The following MYO10 variants were observed in gnomAD, a reference collection of about 807,000 sequenced individuals.
The protein encoded by MYO10 is myosin X.
In MYO10, 133 loss-of-function variants were observed where a neutral mutation model predicts 257.3. The ratio of observed to expected loss-of-function variants is 0.52; its 90% CI spans 0.45 to 0.60. The LOEUF (loss-of-function observed/expected upper bound fraction) is 0.60. MYO10 is among the 20% of genes least tolerant of loss of function. The pLI is 0.00. For synonymous variants in MYO10, 1,104 were observed against 1,028.6 expected (o/e 1.07, Z -1.40); for missense variants, 2,399 against 2,635.7 (o/e 0.91, Z 1.97).
At chr5:16,915,253 TC>T (rs977471665) in intron 1 of MYO10, among the ~76,000 whole-genome samples, 8 of 152,172 alleles carry the variant, frequency 5.3e-5, no homozygotes, top group African/African-American at 1.9e-4. Context: ...ACAACTGGGT[TC>T]CAAGCCATAG....
chr5:16,781,619 A>G, intron 6 of MYO10, 86 bp downstream of exon 6: 2 of 1,332,470 alleles, frequency 1.5e-6, no homozygotes, highest in Non-Finnish European at 2.1e-6. Context: ...AATGTTTCAC[A>G]TTCTTTTTCA....
intron 1 of MYO10, among the ~76,000 whole-genome samples, chr5:16,893,281 T>C (rs114266263): frequency 0.024 from 3,551 of 150,840 alleles, 66 homozygotes; most frequent in Middle Eastern, 0.038. Context: ...ATGAGAAACA[T>C]TTAAATGACA....
intron 33 of MYO10, among the ~76,000 whole-genome samples, chr5:16,677,704 C>A (rs554945657): frequency 6.6e-6 from 1 of 151,632 alleles, no homozygotes; most frequent in African/African-American, 2.4e-5. Context: ...CGTGAGCCAT[C>A]GCACCCGGCC....
chr5:16,852,936 A>G (rs1028854286), intron 2 of MYO10, among the ~76,000 whole-genome samples: 1 of 152,168 alleles, frequency 6.6e-6, no homozygotes, highest in Non-Finnish European at 1.5e-5. Context: ...GAAGAATAAC[A>G]ACAGTAAACT....
intron 10 of MYO10, among the ~76,000 whole-genome samples, chr5:16,768,550 C>G (rs2126656441): frequency 6.6e-6 from 1 of 152,006 alleles, no homozygotes; most frequent in South Asian, 2.1e-4. Context: ...GCTGCTATCC[C>G]AATTGACTAG....
intron 2 of MYO10, among the ~76,000 whole-genome samples, chr5:16,867,090 C>T (rs1046534422): frequency 3.9e-5 from 6 of 152,238 alleles, no homozygotes; most frequent in African/African-American, 7.2e-5. Context: ...GCTGGCTTTG[C>T]GTGAGAAGCC....
Position 16,790,093 on chromosome 5 carries a change from CA to C in MYO10, c.467+4552del, listed in dbSNP as rs141321434. ...AATCGAGGATGCAAGTTTTGTTCCG[CA>C]TTCCAACACTATCACCTCTAAATGT... On this transcript the variant is annotated intron_variant, in intron 4 of 40. Transcript: ENST00000513610. Among the ~76,000 whole-genome samples the C allele has an allele frequency of 7.2e-3, 1,096 of 151,974 alleles. 9 individuals are homozygous for C. Among genetic ancestry groups the C allele is most frequent in the African/African-American group, 0.025 (1,048 of 41,464 alleles).
Position 16,878,891 on chromosome 5 carries a change from C to T in MYO10, c.22-1184G>A, listed in dbSNP as rs146244282. On this transcript the variant is annotated intron_variant, in intron 1 of 40. Coordinates refer to ENST00000513610, the MANE Select transcript of MYO10 (RefSeq NM_012334.3). Reference sequence around the variant, plus strand: ...CACAACAGGTACAGTGGACACTGTTCGGGTGATGGGTGCGCCAGAATCTCA... The same window carrying T: ...CACAACAGGTACAGTGGACACTGTTTGGGTGATGGGTGCGCCAGAATCTCA... 2.5e-4 allele frequency among the ~76,000 whole-genome samples: 38 copies of T among 151,684 alleles called. No homozygotes were observed. In the East Asian group the frequency reaches 4.9e-3, roughly 19 times the overall value.
intron 19 of MYO10, among the ~76,000 whole-genome samples, chr5:16,729,400 G>C (rs1409497964): frequency 6.6e-6 from 1 of 151,270 alleles, no homozygotes; most frequent in East Asian, 1.9e-4. Context: ...AAATATTTTT[G>C]TATTTCTCTC....
chr5:16,815,574 C>A, intron 3 of MYO10: 1 of 643,020 alleles, frequency 1.6e-6, no homozygotes. Context: ...TATTGCACAA[C>A]TACCAGGTGC....
At chr5:16,683,620 A>G (rs189373932) in intron 30 of MYO10, among the ~76,000 whole-genome samples, 20 of 152,298 alleles carry the variant, frequency 1.3e-4, no homozygotes, top group African/African-American at 4.8e-4. Flanking sequence ...CATTAAAAAT[A>G]TTCCTCATGC....
chr5:16,698,060 G>C (rs1317850322), intron 26 of MYO10, among the ~76,000 whole-genome samples: 1 of 152,188 alleles, frequency 6.6e-6, no homozygotes, highest in Non-Finnish European at 1.5e-5. Flanking sequence ...TAAATATGAG[G>C]TCCCAATTAA....
chr5:16,705,822 T>A (rs2126563458), intron 21 of MYO10, among the ~76,000 whole-genome samples: 1 of 152,284 alleles, frequency 6.6e-6, no homozygotes, highest in Middle Eastern at 3.4e-3. Flanking sequence ...CAAATCATTC[T>A]CCTAGGAAAG....
intron 2 of MYO10, among the ~76,000 whole-genome samples, chr5:16,825,873 G>A (rs764444455): frequency 2.7e-4 from 41 of 152,032 alleles, no homozygotes; most frequent in Non-Finnish European, 4.6e-4. Context: ...GGCCGGGCAC[G>A]GTGGCTCATG....
chr5:16,729,451 C>CTTT (rs1331507610), intron 19 of MYO10, among the ~76,000 whole-genome samples: 123 of 150,110 alleles, frequency 8.2e-4, no homozygotes, highest in African/African-American at 2.9e-3. Flanking sequence ...GTTGTATTTT[C>CTTT]TATTTTTTTT....
chr5:16,672,440 C>G (rs987312695), intron 37 of MYO10, among the ~76,000 whole-genome samples: 3 of 152,084 alleles, frequency 2.0e-5, no homozygotes, highest in African/African-American at 4.8e-5. Context: ...CAGACGGGTC[C>G]AACATGGAAC....
intron 3 of MYO10, among the ~76,000 whole-genome samples, chr5:16,802,808 C>G (rs1742159735): frequency 6.6e-6 from 1 of 152,112 alleles, no homozygotes; most frequent in East Asian, 1.9e-4. Context: ...ACATTATGCT[C>G]CTTAACTTTA....
chr5:16,679,816 T>TA, intron 33 of MYO10, 131 bp downstream of exon 33: 1 of 1,240,914 alleles, frequency 8.1e-7, no homozygotes, highest in South Asian at 1.6e-5. Context: ...TGAGCCACCG[T>TA]GCCGGCCAAC....
At chr5:16,842,786 T>G (rs1298362165) in intron 2 of MYO10, among the ~76,000 whole-genome samples, 2 of 151,842 alleles carry the variant, frequency 1.3e-5, no homozygotes, top group Non-Finnish European at 2.9e-5. Flanking sequence ...TCCCAGCTAG[T>G]CGGGAGGCTG....
Sources: gnomAD v4.1 joint callset for allele counts (sites outside exome capture counted in the v4.1 genomes callset) on GRCh38, gnomAD v4.1.1 for gene constraint, MANE v1.5 for transcripts, NCBI Gene and HGNC (gene_info 2026-07-23, HGNC 2026-07-21) for gene names.